The following LINC00632 variants were observed in gnomAD, a reference collection of about 807,000 sequenced individuals.
LINC00632 encodes long independently transcribed non-coding RNA 632, also known as ALDOA related specific transcript.
intron 3 of LINC00632, among the ~76,000 whole-genome samples, chrX:140,760,943 A>C (rs1225716155): frequency 8.9e-6 from 1 of 111,772 alleles, no homozygotes; most frequent in African/African-American, 3.3e-5. Flanking sequence ...TAGCAATAAA[A>C]CTATTTCTTT....
chrX:140,773,645 A>G (rs765377786), exon 4 of LINC00632, among the ~76,000 whole-genome samples: 4 of 112,072 alleles, frequency 3.6e-5, no homozygotes, highest in South Asian at 7.6e-4. Context: ...CTGAGGTTAA[A>G]TAACATTTAA....
chrX:140,754,633 G>A (rs1931462773), intron 3 of LINC00632, among the ~76,000 whole-genome samples: 1 of 111,189 alleles, frequency 9.0e-6, no homozygotes, highest in Admixed American at 9.6e-5. Context: ...TTTTCAGAGG[G>A]GAAAATGGAG....
chrX:140,743,392 C>T (rs1419842749), intron 3 of LINC00632, among the ~76,000 whole-genome samples: 1 of 109,753 alleles, frequency 9.1e-6, no homozygotes, highest in African/African-American at 3.3e-5. Context: ...GGAATCAGGG[C>T]TTAAGGATGA....
chrX:140,744,006 G>A (rs1315386451), intron 3 of LINC00632, among the ~76,000 whole-genome samples: 1 of 111,796 alleles, frequency 8.9e-6, no homozygotes. Flanking sequence ...CAGTATATTT[G>A]GTTGCATATT....
intron 2 of LINC00632, chrX:140,711,965 G>T: frequency 8.8e-6 from 1 of 114,073 alleles, no homozygotes; most frequent in Non-Finnish European, 1.8e-5. Flanking sequence ...GTATACAGTA[G>T]GATTTAATTT....
chrX:140,724,286 A>G (rs772986033), intron 2 of LINC00632, among the ~76,000 whole-genome samples: 2 of 95,284 alleles, frequency 2.1e-5, no homozygotes, highest in Admixed American at 2.4e-4. Context: ...ACAGACACAC[A>G]TTCCATACAC....
chrX:140,762,762 T>C (rs1931623157), intron 3 of LINC00632, among the ~76,000 whole-genome samples: 1 of 112,358 alleles, frequency 8.9e-6, no homozygotes, highest in African/African-American at 3.2e-5. Context: ...ACACCGAATT[T>C]TGAAATTCAC....
chrX:140,770,459 C>T lies in LINC00632; in HGVS notation n.192-1619C>T, dbSNP rs778883394. Among the ~76,000 whole-genome samples the T allele has an allele frequency of 1.5e-4, 17 of 111,937 alleles. No homozygotes were observed. The East Asian group carries it at 4.8e-3, about 32-fold the overall frequency. ...CTCACGCCTATAATCACAGCTACTT[C>T]GGAGGCTGAGGCAGTTGCAGTGAGC... is the stretch of plus-strand genomic sequence containing the variant. On this transcript the variant is annotated intron_variant and non_coding_transcript_variant, in intron 3 of 4. Coordinates refer to ENST00000648200, the Ensembl canonical transcript of LINC00632.
At chrX:140,726,776 T>C (rs180966322) in intron 2 of LINC00632, among the ~76,000 whole-genome samples, 64 of 111,851 alleles carry the variant, frequency 5.7e-4, no homozygotes, top group Admixed American at 5.5e-3. Flanking sequence ...TTGTAAGATA[T>C]AGATTTCTCA....
intron 3 of LINC00632, among the ~76,000 whole-genome samples, chrX:140,761,085 T>A (rs1931587873): frequency 9.0e-6 from 1 of 110,788 alleles, no homozygotes; most frequent in African/African-American, 3.3e-5. Flanking sequence ...AGGCACAGCC[T>A]GGGAACAATG....
At chrX:140,715,304 C>CA (rs1251727371) in intron 2 of LINC00632, among the ~76,000 whole-genome samples, 2 of 111,501 alleles carry the variant, frequency 1.8e-5, no homozygotes, top group Non-Finnish European at 3.8e-5. Context: ...ACTTCACACA[C>CA]AAAAAACACA....
exon 5 of LINC00632, among the ~76,000 whole-genome samples, chrX:140,788,567 TTA>T (rs931177106): frequency 1.8e-5 from 2 of 109,786 alleles, no homozygotes; most frequent in Non-Finnish European, 3.8e-5. Flanking sequence ...TATTTAAACT[TTA>T]TGTTAATGTG....
intron 2 of LINC00632, chrX:140,715,937 A>G: frequency 8.9e-6 from 1 of 112,155 alleles, no homozygotes; most frequent in Non-Finnish European, 1.9e-5. Flanking sequence ...AACATACTAA[A>G]TCACATCCCC....
At chrX:140,724,591 C>T (rs934691715) in intron 2 of LINC00632, among the ~76,000 whole-genome samples, 3 of 15,055 alleles carry the variant, frequency 2.0e-4, no homozygotes, top group African/African-American at 6.6e-4. Flanking sequence ...CACGCACAGA[C>T]ACACATTCTG....
exon 5 of LINC00632, among the ~76,000 whole-genome samples, chrX:140,774,474 G>A (rs1054742366): frequency 3.6e-5 from 4 of 111,602 alleles, no homozygotes; most frequent in African/African-American, 9.8e-5. Flanking sequence ...AAGTAGAAAC[G>A]CCGCACACAG....
intron 2 of LINC00632, among the ~76,000 whole-genome samples, chrX:140,731,929 C>T (rs769924811): frequency 2.7e-5 from 3 of 111,516 alleles, no homozygotes; most frequent in Non-Finnish European, 5.6e-5. Flanking sequence ...ACAGGCAAGG[C>T]GTGGCAGTTC....
chrX:140,771,826 T>C (rs1460695407), intron 3 of LINC00632, among the ~76,000 whole-genome samples: 3 of 103,440 alleles, frequency 2.9e-5, no homozygotes, highest in African/African-American at 1.0e-4. Flanking sequence ...ATTATAGGCA[T>C]GTGCCACCAT....
chrX:140,740,116 A>C (rs1465194359), intron 3 of LINC00632, among the ~76,000 whole-genome samples: 1 of 111,224 alleles, frequency 9.0e-6, no homozygotes, highest in Non-Finnish European at 1.9e-5. Flanking sequence ...AAGAATGGTG[A>C]CATGTGGGGC....
At chrX:140,781,246 G>A (rs992481094) in exon 5 of LINC00632, among the ~76,000 whole-genome samples, 4 of 111,283 alleles carry the variant, frequency 3.6e-5, no homozygotes, top group Admixed American at 2.9e-4. Context: ...GTCACTTAAG[G>A]TCTTTGTCAC....
Sources: gnomAD v4.1 joint callset for allele counts (sites outside exome capture counted in the v4.1 genomes callset) on GRCh38, gnomAD v4.1.1 for gene constraint, MANE v1.5 for transcripts, NCBI Gene and HGNC (gene_info 2026-07-23, HGNC 2026-07-21) for gene names.